Variants in LARGE1 observed in about 807,000 individuals in gnomAD.
LARGE1 encodes LARGE xylosyl- and glucuronyltransferase 1.
In LARGE1, 43 loss-of-function variants were observed where a neutral mutation model predicts 87.6. The observed-to-expected ratio is 0.49, with a 90% CI of 0.38 to 0.63. The LOEUF (loss-of-function observed/expected upper bound fraction) is 0.63. Among genes scored for constraint, LARGE1 ranks in the 30% least tolerant of loss-of-function variants. LARGE1 has a pLI of 0.00. For missense variants in LARGE1, 802 were observed against 1,000.2 expected (o/e 0.80, Z 2.67); for synonymous variants, 434 against 394.6 (o/e 1.10, Z -1.18).
chr22:33,472,211 T>C (rs1440889294), intron 6 of LARGE1, among the ~76,000 whole-genome samples: 1 of 152,170 alleles, frequency 6.6e-6, no homozygotes, highest in African/African-American at 2.4e-5. Flanking sequence ...CAAGCATACT[T>C]TAAGGTCTTT....
intron 4 of LARGE1, among the ~76,000 whole-genome samples, chr22:33,611,377 C>T (rs2079424969): frequency 6.6e-6 from 1 of 152,206 alleles, no homozygotes; most frequent in Non-Finnish European, 1.5e-5. Context: ...ACCAGTGTGC[C>T]CTAGGTATGG....
the LARGE1 span, among the ~76,000 whole-genome samples, chr22:33,111,629 C>T: frequency 7.9e-5 from 12 of 152,276 alleles, no homozygotes; most frequent in East Asian, 1.7e-3. Flanking sequence ...AACGTCATGG[C>T]AACAAAGATC....
At chr22:33,556,222 G>C (rs2077672329) in intron 6 of LARGE1, among the ~76,000 whole-genome samples, 1 of 151,788 alleles carries the variant, frequency 6.6e-6, no homozygotes, top group African/African-American at 2.4e-5. Flanking sequence ...GAATCTAGCG[G>C]TTAAGTGTCG....
intron 7 of LARGE1, among the ~76,000 whole-genome samples, chr22:33,386,173 C>T (rs2065317737): frequency 6.7e-6 from 1 of 148,860 alleles, no homozygotes; most frequent in Non-Finnish European, 1.5e-5. Context: ...ATCATTTCCC[C>T]TAATGCTCCC....
intron 2 of LARGE1, among the ~76,000 whole-genome samples, chr22:33,743,723 C>T (rs1397576512): frequency 2.0e-5 from 3 of 152,244 alleles, no homozygotes; most frequent in African/African-American, 7.2e-5. Flanking sequence ...GGGCAGATAT[C>T]ACCACCCCCA....
intron 1 of LARGE1, among the ~76,000 whole-genome samples, chr22:33,843,528 G>A (rs1457143799): frequency 6.6e-6 from 1 of 152,032 alleles, no homozygotes; most frequent in Non-Finnish European, 1.5e-5. Flanking sequence ...AGCGGATGCA[G>A]GAAGATCCAA....
chr22:33,677,302 AAAAAAG>A (rs2081612386), intron 2 of LARGE1, among the ~76,000 whole-genome samples: 4 of 151,968 alleles, frequency 2.6e-5, no homozygotes, highest in African/African-American at 9.7e-5. Flanking sequence ...AAAAAAAAAA[AAAAAAG>A]AAAAGAAAAA....
chr22:33,831,967 A>C (rs773870575), intron 1 of LARGE1, among the ~76,000 whole-genome samples: 4 of 152,002 alleles, frequency 2.6e-5, no homozygotes, highest in Non-Finnish European at 4.4e-5. Context: ...CACACCTCAA[A>C]CGTTTCTCAC....
At chr22:33,108,183 C>T in the LARGE1 span, among the ~76,000 whole-genome samples, 2 of 152,180 alleles carry the variant, frequency 1.3e-5, no homozygotes, top group Non-Finnish European at 2.9e-5. Context: ...GATATACACT[C>T]AGTACTCAGC....
chr22:33,696,927 T>C (rs1220717297), intron 2 of LARGE1, among the ~76,000 whole-genome samples: 1 of 152,162 alleles, frequency 6.6e-6, no homozygotes, highest in East Asian at 1.9e-4. Flanking sequence ...TTAACTCCCA[T>C]TGTATCCCTT....
the LARGE1 span, among the ~76,000 whole-genome samples, chr22:33,102,162 TCTTTTTTTTTTTC>T: frequency 7.2e-5 from 5 of 69,092 alleles, no homozygotes; most frequent in African/African-American, 2.1e-4. Flanking sequence ...AGTCCCTTTG[TCTTTTTTTTTTTC>T]CTTTTTTTTT....
the LARGE1 span, among the ~76,000 whole-genome samples, chr22:33,155,439 CTT>C: frequency 1.3e-5 from 2 of 152,224 alleles, no homozygotes; most frequent in African/African-American, 4.8e-5. Flanking sequence ...AAAAATGACT[CTT>C]GTTACATTTT....
intron 11 of LARGE1, among the ~76,000 whole-genome samples, chr22:33,243,280 T>A (rs542570403): frequency 6.6e-6 from 1 of 152,354 alleles, no homozygotes; most frequent in South Asian, 2.1e-4. Context: ...ATTTTAAGTG[T>A]ACAGTTTGAT....
At chr22:33,791,772 C>T (rs1256755595) in intron 1 of LARGE1, among the ~76,000 whole-genome samples, 1 of 152,186 alleles carries the variant, frequency 6.6e-6, no homozygotes, top group African/African-American at 2.4e-5. Context: ...CTAGTGCTAC[C>T]ACTATTACTG....
chr22:33,626,392 A>G, intron 3 of LARGE1, 66 bp from the exon 4 acceptor site: 3 of 1,240,818 alleles, frequency 2.4e-6, no homozygotes, highest in Non-Finnish European at 3.5e-6. Flanking sequence ...GGTGCTTCAG[A>G]TCACACTAGA....
chr22:33,564,858 G>C lies in LARGE1; in HGVS notation c.777C>G (p.His259Gln), dbSNP rs1026179703. The change falls in exon 6 of 15, where the codon CAC (histidine) becomes CAG (glutamine). Residue 259 changes from histidine (H) to glutamine (Q), a missense_variant. By Grantham distance (24) the His-to-Gln change is conservative. Transcript: ENST00000397394. ...TDIAELWAVF[H>Q]KFKGQQVLGL... ...ATGGGCTACCATTACCTTTGAACTT[G>C]TGGAACACAGCCCACAGCTCTGCAA... 2 of 1,614,042 alleles carry C rather than the reference G, an allele frequency of 1.2e-6. No individual in the cohort carries two copies. The highest frequency in any genetic ancestry group is 1.3e-5 in the African/African-American group (1 of 74,922).
At chr22:33,841,223 T>C (rs748260373) in intron 1 of LARGE1, among the ~76,000 whole-genome samples, 7 of 152,072 alleles carry the variant, frequency 4.6e-5, no homozygotes, top group Non-Finnish European at 8.8e-5. Flanking sequence ...TCTGTTCTGT[T>C]ACTCTCATTT....
chr22:33,540,013 C>A (rs1168737722), intron 6 of LARGE1, among the ~76,000 whole-genome samples: 1 of 152,154 alleles, frequency 6.6e-6, no homozygotes, highest in Non-Finnish European at 1.5e-5. Context: ...TTCATCTGCA[C>A]CACTGGCAGT....
At chr22:33,754,024 T>G (rs1262652510) in intron 2 of LARGE1, among the ~76,000 whole-genome samples, 2 of 152,104 alleles carry the variant, frequency 1.3e-5, no homozygotes, top group East Asian at 3.9e-4. Context: ...ATTGCGCCAC[T>G]GCACTCCATC....
Sources: allele counts gnomAD v4.1 joint callset (sites outside exome capture counted in the v4.1 genomes callset), GRCh38; gene constraint gnomAD v4.1.1; transcripts MANE v1.5; gene names NCBI Gene and HGNC (gene_info 2026-07-23, HGNC 2026-07-21).